SAMSN1: variants seen among roughly 807,000 people sequenced by gnomAD.
The protein encoded by SAMSN1 is SAM domain-containing protein SAMSN-1.
Under a neutral mutation model 42.0 loss-of-function variants are expected in SAMSN1, and 31 were observed. The observed-to-expected ratio is 0.74, with a 90% confidence interval of 0.55 to 1.00. SAMSN1 has a LOEUF of 1.00. Among genes scored for constraint, SAMSN1 ranks in the 50% least tolerant of loss-of-function variants. SAMSN1 has a pLI of 0.00. For synonymous variants in SAMSN1, 178 were observed against 151.9 expected, an observed-to-expected ratio of 1.17 and a Z score of -1.26; for missense variants, 464 against 439.4, an observed-to-expected ratio of 1.06 and a Z score of -0.50.
chr21:14,602,943 A>T lies in SAMSN1; in HGVS notation c.323-844T>A, dbSNP rs145326253. On this transcript the variant is annotated intron_variant, in intron 5 of 15. Coordinates refer to the SAMSN1 transcript ENST00000647101. ...AGATTTTTCTCCAGATCTCCATCAT[A>T]GCTATAGTTAAAAGATATGTTAAAT... Among the ~76,000 whole-genome samples the T allele has an allele frequency of 2.0e-3, 298 of 152,342 alleles. 1 individual carries two copies. The highest frequency in any genetic ancestry group is 6.8e-3 in the Middle Eastern group (2 of 294).
chr21:14,622,887 A>C (rs1485183437), intron 2 of SAMSN1, among the ~76,000 whole-genome samples: 1 of 152,236 alleles, frequency 6.6e-6, no homozygotes, highest in African/African-American at 2.4e-5. Context: ...CAGGTTACCC[A>C]CAAAGGGAAG....
chr21:14,633,069 C>G (rs978308622), intron 2 of SAMSN1, among the ~76,000 whole-genome samples: 8 of 152,102 alleles, frequency 5.3e-5, no homozygotes, highest in Admixed American at 5.2e-4. Flanking sequence ...GAAGATTACA[C>G]AAGGACATAA....
Position 14,511,816 on chromosome 21 carries a change from G to T in SAMSN1, c.409+628C>A, listed in dbSNP as rs1235660681. ...TATTAATCTTCATTAGAAAATCCTTGTTGGTTACTTTGGATCCCTTTTTGC... is the reference window on the plus strand; with the variant it reads ...TATTAATCTTCATTAGAAAATCCTTTTTGGTTACTTTGGATCCCTTTTTGC... On this transcript the variant is annotated intron_variant, in intron 4 of 7. Transcript: ENST00000400566. Among the ~76,000 whole-genome samples the T allele has an allele frequency of 2.0e-5, 3 of 152,110 alleles. No homozygotes were observed. In the East Asian group the frequency reaches 5.8e-4, roughly 29 times the overall value.
intron 1 of SAMSN1, among the ~76,000 whole-genome samples, chr21:14,649,711 A>C (rs1348158442): frequency 6.6e-6 from 1 of 151,566 alleles, no homozygotes; most frequent in Non-Finnish European, 1.5e-5. Context: ...CGGACATTGC[A>C]GTGAGCCAAG....
intron 1 of SAMSN1, among the ~76,000 whole-genome samples, chr21:14,653,193 T>A (rs1302398072): frequency 6.6e-6 from 1 of 151,702 alleles, no homozygotes; most frequent in Non-Finnish European, 1.5e-5. Flanking sequence ...GGGTATATAC[T>A]TCCCAATTTG....
At chr21:14,594,126 T>G in intron 6 of SAMSN1, 1 of 643,538 alleles carries the variant, frequency 1.6e-6, no homozygotes, top group South Asian at 1.7e-5. Flanking sequence ...TAACATTCTT[T>G]AAAAAACAAA....
At chr21:14,543,362 C>T (rs977682827) in intron 1 of SAMSN1, among the ~76,000 whole-genome samples, 1 of 152,114 alleles carries the variant, frequency 6.6e-6, no homozygotes, top group Non-Finnish European at 1.5e-5. Flanking sequence ...CTAATGATAA[C>T]ACTACACATG....
intron 1 of SAMSN1, among the ~76,000 whole-genome samples, chr21:14,531,996 T>G (rs574554286): frequency 2.6e-5 from 4 of 152,292 alleles, no homozygotes; most frequent in African/African-American, 9.6e-5. Flanking sequence ...AGTTTTTTTT[T>G]GAGTCATTTT....
At chr21:14,589,337 A>G (rs1600948362) in intron 7 of SAMSN1, among the ~76,000 whole-genome samples, 2 of 152,078 alleles carry the variant, frequency 1.3e-5, no homozygotes, top group South Asian at 4.1e-4. Context: ...AAGTATTCTG[A>G]CTTTTAATCC....
At chr21:14,639,006 G>A (rs1983532528) in intron 2 of SAMSN1, among the ~76,000 whole-genome samples, 1 of 152,162 alleles carries the variant, frequency 6.6e-6, no homozygotes, top group South Asian at 2.1e-4. Context: ...CCACTATGCA[G>A]AAGATATGAA....
chr21:14,532,032 A>T (rs903007812), intron 1 of SAMSN1, among the ~76,000 whole-genome samples: 1 of 152,070 alleles, frequency 6.6e-6, no homozygotes, highest in African/African-American at 2.4e-5. Context: ...AGTGTGTCTG[A>T]TGCATGATTT....
chr21:14,621,384 C>T (rs2125758), intron 2 of SAMSN1, among the ~76,000 whole-genome samples: 2,026 of 152,296 alleles, frequency 0.013, 48 homozygotes, highest in African/African-American at 0.046. Context: ...CCAGGGAATC[C>T]TCTTTCCTAG....
intron 5 of SAMSN1, among the ~76,000 whole-genome samples, chr21:14,501,362 A>G (rs548039482): frequency 2.0e-5 from 3 of 152,350 alleles, no homozygotes; most frequent in African/African-American, 7.2e-5. Flanking sequence ...TAAAGGAGGT[A>G]TCATCATTAT....
At chr21:14,541,520 T>TG (rs1334757538) in intron 1 of SAMSN1, among the ~76,000 whole-genome samples, 3 of 151,538 alleles carry the variant, frequency 2.0e-5, no homozygotes, top group African/African-American at 7.3e-5. Flanking sequence ...TTGTGGTTTT[T>TG]TTTGTTTGTT....
intron 2 of SAMSN1, among the ~76,000 whole-genome samples, chr21:14,616,293 A>G (rs1982836291): frequency 6.6e-6 from 1 of 151,786 alleles, no homozygotes; most frequent in Non-Finnish European, 1.5e-5. Flanking sequence ...CTTATATCTT[A>G]TTTTAAGCCC....
intron 2 of SAMSN1, among the ~76,000 whole-genome samples, chr21:14,623,470 G>T (rs985883967): frequency 6.6e-6 from 1 of 152,174 alleles, no homozygotes; most frequent in African/African-American, 2.4e-5. Flanking sequence ...GGCAGGGGTT[G>T]CAATCCTAGT....
At chr21:14,640,173 T>C (rs1009584002) in intron 2 of SAMSN1, among the ~76,000 whole-genome samples, 4 of 152,212 alleles carry the variant, frequency 2.6e-5, no homozygotes, top group African/African-American at 9.6e-5. Context: ...CTAGTAAGTA[T>C]GAATAAATAA....
intron 1 of SAMSN1, among the ~76,000 whole-genome samples, chr21:14,529,271 C>A (rs527463841): frequency 5.3e-5 from 8 of 152,324 alleles, no homozygotes; most frequent in Admixed American, 4.6e-4. Flanking sequence ...TTTTCCGATG[C>A]CATTTAGTGA....
At chr21:14,578,647 C>T (rs1981585601) in intron 2 of SAMSN1, among the ~76,000 whole-genome samples, 1 of 134,444 alleles carries the variant, frequency 7.4e-6, no homozygotes, top group African/African-American at 2.8e-5. Flanking sequence ...CATGCCATTA[C>T]ACTCCAGCCT....
Sources: gnomAD v4.1 joint callset for allele counts (sites outside exome capture counted in the v4.1 genomes callset) on GRCh38, gnomAD v4.1.1 for gene constraint, MANE v1.5 for transcripts, NCBI Gene and HGNC (gene_info 2026-07-23, HGNC 2026-07-21) for gene names.